Variants in DPYSL3 observed in about 807,000 individuals in gnomAD.
DPYSL3 encodes dihydropyrimidinase-related protein 3.
In DPYSL3, 16 loss-of-function variants were observed where a neutral mutation model predicts 66.1. The ratio of observed to expected loss-of-function variants is 0.24; its 90% CI spans 0.16 to 0.37. The LOEUF is 0.37. DPYSL3 is among the 10% of genes least tolerant of loss of function. The pLI is 1.00. For missense variants in DPYSL3, 738 were observed against 916.2 expected (o/e 0.81, Z 2.51); for synonymous variants, 338 against 345.1 (o/e 0.98, Z 0.23).
chr5:147,475,458 C>T (rs545413517), intron 1 of DPYSL3, among the ~76,000 whole-genome samples: 5 of 152,074 alleles, frequency 3.3e-5, no homozygotes, highest in Non-Finnish European at 5.9e-5. Context: ...AGAATATACC[C>T]AGAACCGAAT....
chr5:147,431,228 G>A (rs1333109514), intron 1 of DPYSL3, among the ~76,000 whole-genome samples: 1 of 152,122 alleles, frequency 6.6e-6, no homozygotes, highest in African/African-American at 2.4e-5. Flanking sequence ...TTCTAAGATA[G>A]TCCAGTTGAC....
At chr5:147,507,930 T>A (rs931029586) in intron 1 of DPYSL3, among the ~76,000 whole-genome samples, 4 of 152,168 alleles carry the variant, frequency 2.6e-5, no homozygotes, top group Non-Finnish European at 2.9e-5. Flanking sequence ...ACAGCAATTG[T>A]TACCGACCTT....
chr5:147,415,644 A>G, intron 4 of DPYSL3, 65 bp downstream of exon 4: 1 of 1,559,108 alleles, frequency 6.4e-7, no homozygotes, highest in African/African-American at 1.4e-5. Flanking sequence ...AAATGAGTGG[A>G]TGGTGTTGGA....
intron 1 of DPYSL3, among the ~76,000 whole-genome samples, chr5:147,436,831 T>C (rs907476298): frequency 6.6e-6 from 1 of 152,166 alleles, no homozygotes; most frequent in Non-Finnish European, 1.5e-5. Context: ...TAAAGCAGCA[T>C]GTCTACAGAG....
intron 1 of DPYSL3, among the ~76,000 whole-genome samples, chr5:147,458,779 T>C (rs1295862651): frequency 6.6e-6 from 1 of 152,060 alleles, no homozygotes; most frequent in East Asian, 1.9e-4. Flanking sequence ...CTCTTTAAGA[T>C]GAGTGCTGAG....
Position 147,414,372 on chromosome 5 carries a change from T to A in DPYSL3, c.821-715A>T, listed in dbSNP as rs1432856. On this transcript the variant is annotated intron_variant, in intron 4 of 13. Coordinates refer to ENST00000343218, the MANE Select transcript of DPYSL3 (RefSeq NM_001197294.2). ...ATATGTAAAGATCTATTTAGATCTC[T>A]CCCCAAATAAACTACTAATACAGTG... Among the ~76,000 whole-genome samples, 2,100 of 152,266 alleles carry A rather than the reference T, an allele frequency of 0.014. 130 individuals carry two copies. In the East Asian group the frequency reaches 0.19, roughly 14 times the overall value.
intron 1 of DPYSL3, among the ~76,000 whole-genome samples, chr5:147,435,432 C>G (rs1752398308): frequency 6.6e-6 from 1 of 152,100 alleles, no homozygotes; most frequent in South Asian, 2.1e-4. Flanking sequence ...AGCTCATGGT[C>G]CAATATTACA....
At chr5:147,483,570 C>A (rs1753282663) in intron 1 of DPYSL3, among the ~76,000 whole-genome samples, 1 of 152,194 alleles carries the variant, frequency 6.6e-6, no homozygotes, top group East Asian at 1.9e-4. Context: ...CAGACTTTCT[C>A]ATTTATTTAT....
At position 147,453,661 on chromosome 5, in the gene DPYSL3, C is replaced by T; in HGVS notation, c.382-28698G>A. 4 of 1,483,792 alleles carry T rather than the reference C, an allele frequency of 2.7e-6. No individual in the cohort carries two copies. In the East Asian group the frequency reaches 8.4e-5, roughly 31 times the overall value. 91.9% of individuals were successfully genotyped at this position (1,483,792 alleles called of 1,614,324 possible). ...TCCGGCTCGCCCGCGCCTTCCTCAG[C>T]GCACAGCGCCCCGAGATCAGGTGGA... On this transcript the variant is annotated intron_variant, in intron 1 of 13. Transcript: ENST00000343218.
At chr5:147,460,806 C>A (rs887436901) in intron 1 of DPYSL3, among the ~76,000 whole-genome samples, 3 of 152,142 alleles carry the variant, frequency 2.0e-5, no homozygotes, top group Non-Finnish European at 4.4e-5. Flanking sequence ...GGCTTGCAAT[C>A]CATTAATTGA....
rs538673011 is a variant in DPYSL3, at chr5:147,500,922, A to G, written c.381+8556T>C. On this transcript the variant is annotated intron_variant, in intron 1 of 13. Transcript: ENST00000343218. ...AGACAATTTGGCAGTTTCTTAGAAAACTAAATGTGCTCTCACCATGCGATC... is the reference window on the plus strand; with the variant it reads ...AGACAATTTGGCAGTTTCTTAGAAAGCTAAATGTGCTCTCACCATGCGATC... 6.6e-5 allele frequency among the ~76,000 whole-genome samples: 10 copies of G among 152,240 alleles called. No homozygotes were observed. The East Asian group carries it at 1.9e-3, about 29-fold the overall frequency.
intron 1 of DPYSL3, among the ~76,000 whole-genome samples, chr5:147,460,211 C>T (rs936965164): frequency 2.6e-5 from 4 of 152,170 alleles, no homozygotes; most frequent in African/African-American, 9.7e-5. Context: ...AAGTTACATT[C>T]ATACGAGGGG....
At chr5:147,459,000 T>G (rs1752893796) in intron 1 of DPYSL3, among the ~76,000 whole-genome samples, 3 of 145,402 alleles carry the variant, frequency 2.1e-5, no homozygotes, top group South Asian at 4.4e-4. Context: ...TTTTTTTTTT[T>G]GCTAAACTTA....
At chr5:147,421,888 C>T (rs768244357) in intron 2 of DPYSL3, among the ~76,000 whole-genome samples, 2 of 152,134 alleles carry the variant, frequency 1.3e-5, no homozygotes, top group South Asian at 4.1e-4. Flanking sequence ...AAATGTAAGA[C>T]GTAAAACCAT....
chr5:147,439,964 C>T (rs1426916268), intron 1 of DPYSL3, among the ~76,000 whole-genome samples: 1 of 152,122 alleles, frequency 6.6e-6, no homozygotes, highest in African/African-American at 2.4e-5. Context: ...TTCGACAGAG[C>T]CATCTGCATT....
intron 1 of DPYSL3, among the ~76,000 whole-genome samples, chr5:147,435,992 C>A (rs545656839): frequency 6.6e-6 from 1 of 152,176 alleles, no homozygotes; most frequent in African/African-American, 2.4e-5. Context: ...CTGGCAGGAG[C>A]CGTAACCTTC....
intron 1 of DPYSL3, among the ~76,000 whole-genome samples, chr5:147,437,551 G>A (rs1752434907): frequency 6.6e-6 from 1 of 152,176 alleles, no homozygotes; most frequent in South Asian, 2.1e-4. Context: ...AGAACACTCA[G>A]CTGTGGTGCT....
intron 1 of DPYSL3, among the ~76,000 whole-genome samples, chr5:147,435,137 AG>A (rs1189216930): frequency 6.6e-6 from 1 of 152,190 alleles, no homozygotes; most frequent in Non-Finnish European, 1.5e-5. Flanking sequence ...GGAGAGAGGC[AG>A]GCAGAAAAAT....
Position 147,394,000 on chromosome 5 carries a change from TCTTGCTTCTGCCCCTCTCTTTGAGGAAGG to T in DPYSL3, c.*6_*34del. 1 of 1,608,472 alleles carries T rather than the reference TCTTGCTTCTGCCCCTCTCTTTGAGGAAGG, an allele frequency of 6.2e-7. No individual in the cohort carries two copies. Among genetic ancestry groups the T allele is most frequent in the Non-Finnish European group, 8.5e-7 (1 of 1,175,354 alleles). On this transcript the variant is annotated 3_prime_UTR_variant, in exon 14 of 14. Coordinates refer to ENST00000343218, the MANE Select transcript of DPYSL3 (RefSeq NM_001197294.2). ...CCATTTTGGCTTCAAAACAATCTCT[TCTTGCTTCTGCCCCTCTCTTTGAGGAAGG>T]CTTGCTTAACTCAGAGATGTGATAT...
Sources: gnomAD v4.1 joint callset for allele counts (sites outside exome capture counted in the v4.1 genomes callset) on GRCh38, gnomAD v4.1.1 for gene constraint, MANE v1.5 for transcripts, NCBI Gene and HGNC (gene_info 2026-07-23, HGNC 2026-07-21) for gene names.